SCHIP1: variants seen among roughly 807,000 people sequenced by gnomAD.
The protein encoded by SCHIP1 is schwannomin-interacting protein 1.
A neutral mutation model predicts 29.7 loss-of-function variants in SCHIP1; 8 were observed. That is an observed-to-expected ratio of 0.27 (90% CI 0.16 to 0.49). The LOEUF is 0.49. SCHIP1 is among the 20% of genes least tolerant of loss of function. The pLI is 0.99. For synonymous variants in SCHIP1, 76 were observed against 94.9 expected (o/e 0.80, Z 1.16); for missense variants, 193 against 294.6 (o/e 0.66, Z 2.52).
At chr3:159,445,406 G>A in the SCHIP1 span, among the ~76,000 whole-genome samples, 5 of 151,156 alleles carry the variant, frequency 3.3e-5, no homozygotes, top group East Asian at 9.8e-4. Context: ...TGGAGAAATA[G>A]GAACACTTTT....
the SCHIP1 span, among the ~76,000 whole-genome samples, chr3:159,517,401 A>AT: frequency 6.6e-6 from 1 of 152,152 alleles, no homozygotes; most frequent in South Asian, 2.1e-4. Flanking sequence ...CCCAGTACAT[A>AT]TTTTAAGATA....
chr3:159,827,486 A>G, the SCHIP1 span, among the ~76,000 whole-genome samples: 2 of 152,220 alleles, frequency 1.3e-5, no homozygotes, highest in African/African-American at 4.8e-5. Context: ...TATGCTATGT[A>G]AATTCTTTTC....
chr3:159,496,764 C>A, the SCHIP1 span, among the ~76,000 whole-genome samples: 1 of 152,100 alleles, frequency 6.6e-6, no homozygotes, highest in East Asian at 1.9e-4. Context: ...AGTATATACC[C>A]AAAGGACTAT....
intron 1 of SCHIP1, among the ~76,000 whole-genome samples, chr3:159,843,822 CAAAAAAAAAAAA>C (rs1161141544): frequency 5.0e-5 from 2 of 39,990 alleles, no homozygotes; most frequent in Non-Finnish European, 4.9e-5. Flanking sequence ...GACTCTGTCT[CAAAAAAAAAAAA>C]AAAAAAAAAA....
chr3:159,320,774 T>C, the SCHIP1 span, among the ~76,000 whole-genome samples: 1 of 151,978 alleles, frequency 6.6e-6, no homozygotes, highest in South Asian at 2.1e-4. Flanking sequence ...CGCAGTATCA[T>C]AGATGCACTT....
At chr3:159,414,308 A>G in the SCHIP1 span, among the ~76,000 whole-genome samples, 1 of 152,218 alleles carries the variant, frequency 6.6e-6, no homozygotes. Flanking sequence ...GCCATGACTT[A>G]CATGCATGAC....
At chr3:159,452,473 C>T in the SCHIP1 span, among the ~76,000 whole-genome samples, 1 of 152,204 alleles carries the variant, frequency 6.6e-6, no homozygotes, top group African/African-American at 2.4e-5. Flanking sequence ...CTGCAAAGGA[C>T]ATGAACTCAT....
At chr3:159,311,284 G>A in the SCHIP1 span, among the ~76,000 whole-genome samples, 1 of 152,068 alleles carries the variant, frequency 6.6e-6, no homozygotes, top group Non-Finnish European at 1.5e-5. Flanking sequence ...AATTAATGAT[G>A]CAGAAAATCA....
the SCHIP1 span, among the ~76,000 whole-genome samples, chr3:159,610,510 G>T: frequency 6.6e-6 from 1 of 152,100 alleles, no homozygotes; most frequent in Non-Finnish European, 1.5e-5. Flanking sequence ...GCCAAATGTG[G>T]TTCAAAGACC....
the SCHIP1 span, among the ~76,000 whole-genome samples, chr3:159,275,731 T>C: frequency 8.5e-5 from 13 of 152,236 alleles, no homozygotes; most frequent in African/African-American, 2.4e-4. Flanking sequence ...TGTTTGCTTC[T>C]GTTTTGATAG....
the SCHIP1 span, among the ~76,000 whole-genome samples, chr3:159,445,200 A>T: frequency 4.6e-5 from 7 of 152,252 alleles, no homozygotes; most frequent in African/African-American, 1.7e-4. Context: ...AACAACCCCA[A>T]CAATAAGTGG....
the SCHIP1 span, among the ~76,000 whole-genome samples, chr3:159,727,918 T>C: frequency 6.6e-6 from 1 of 151,848 alleles, no homozygotes; most frequent in Non-Finnish European, 1.5e-5. Context: ...AAAAAACTTT[T>C]TTGTTGTTTT....
the SCHIP1 span, among the ~76,000 whole-genome samples, chr3:159,454,252 A>G: frequency 1.3e-5 from 2 of 152,090 alleles, no homozygotes; most frequent in Non-Finnish European, 2.9e-5. Flanking sequence ...ATTTTTCAAA[A>G]CTACTCCTAT....
chr3:159,870,948 G>A (rs1423784175), intron 2 of SCHIP1, among the ~76,000 whole-genome samples: 5 of 151,948 alleles, frequency 3.3e-5, no homozygotes, highest in African/African-American at 9.7e-5. Context: ...TTGCTTTAAC[G>A]ACAGCTTCCA....
the SCHIP1 span, among the ~76,000 whole-genome samples, chr3:159,351,882 A>G: frequency 6.6e-6 from 1 of 152,184 alleles, no homozygotes; most frequent in Non-Finnish European, 1.5e-5. Context: ...GGGCAGAGTA[A>G]GGCAAGAACT....
the SCHIP1 span, among the ~76,000 whole-genome samples, chr3:159,578,737 C>CTCTGTG: frequency 1.3e-5 from 2 of 149,758 alleles, no homozygotes; most frequent in Non-Finnish European, 2.9e-5. Flanking sequence ...AAGTCTCTGT[C>CTCTGTG]TCTGTGTCTG....
the SCHIP1 span, among the ~76,000 whole-genome samples, chr3:159,334,068 T>C: frequency 1.3e-5 from 2 of 152,190 alleles, no homozygotes; most frequent in Non-Finnish European, 2.9e-5. Context: ...GATCATGTTT[T>C]ATGGGGAAAA....
the SCHIP1 span, among the ~76,000 whole-genome samples, chr3:159,374,611 G>A: frequency 6.6e-6 from 1 of 152,164 alleles, no homozygotes; most frequent in Non-Finnish European, 1.5e-5. Context: ...TAAGAATTTA[G>A]AAGTTACAGA....
the SCHIP1 span, among the ~76,000 whole-genome samples, chr3:159,434,518 C>G: frequency 6.6e-6 from 1 of 152,150 alleles, no homozygotes; most frequent in East Asian, 1.9e-4. Context: ...AGCAATTCCA[C>G]TGGGTTTCCC....
Sources: gnomAD v4.1 joint callset for allele counts (sites outside exome capture counted in the v4.1 genomes callset) on GRCh38, gnomAD v4.1.1 for gene constraint, MANE v1.5 for transcripts, NCBI Gene and HGNC (gene_info 2026-07-23, HGNC 2026-07-21) for gene names.